NRF1: variants seen among roughly 807,000 people sequenced by gnomAD.
NRF1 encodes the protein nuclear respiratory factor 1, also known as alpha palindromic-binding protein.
NRF1 carries 5 observed loss-of-function variants against 58.5 expected under a neutral mutation model. The observed-to-expected ratio is 0.09, with a 90% CI of 0.04 to 0.18. NRF1 has a LOEUF of 0.18. NRF1 is among the 10% of genes least tolerant of loss of function. NRF1 has a pLI of 1.00. For synonymous variants in NRF1, 224 were observed against 246.7 expected, an observed-to-expected ratio of 0.91 and a Z score of 0.86; for missense variants, 288 against 657.7, an observed-to-expected ratio of 0.44 and a Z score of 6.15.
At chr7:129,673,573 C>T (rs572522599) in intron 3 of NRF1, among the ~76,000 whole-genome samples, 24 of 151,752 alleles carry the variant, frequency 1.6e-4, no homozygotes, top group African/African-American at 5.1e-4. Context: ...AAAAATTAGC[C>T]GGGCGCAGTG....
intron 10 of NRF1, among the ~76,000 whole-genome samples, chr7:129,730,976 CAAA>C (rs60913727): frequency 8.0e-6 from 1 of 125,040 alleles, no homozygotes; most frequent in Non-Finnish European, 1.7e-5. Flanking sequence ...GACCCTGTCT[CAAA>C]AAAAAAAAAA....
intron 1 of NRF1, among the ~76,000 whole-genome samples, chr7:129,613,525 A>T (rs1430886313): frequency 6.6e-6 from 1 of 151,910 alleles, no homozygotes; most frequent in Admixed American, 6.6e-5. Flanking sequence ...TTTTGTGTCA[A>T]GGGGTTTTTT....
intron 10 of NRF1, among the ~76,000 whole-genome samples, chr7:129,744,589 T>C (rs1001966132): frequency 3.1e-4 from 47 of 152,062 alleles, no homozygotes; most frequent in African/African-American, 8.9e-4. Context: ...CCATTAACAA[T>C]TTGGCTATGC....
In NRF1 at chr7:129,667,779, ATTT is replaced by A. The variant is rs1364028924; in HGVS notation, c.224-3649_224-3647del. 7.1e-5 allele frequency among the ~76,000 whole-genome samples: 7 copies of A among 98,602 alleles called. No individual in the cohort carries two copies. In the South Asian group the frequency reaches 1.7e-3, roughly 24 times the overall value. The allele number at this position is 98,602 out of a possible 152,430, so 64.7% of individuals were successfully genotyped here. A position where few individuals can be genotyped will look rare whatever the true frequency, so the allele number is the denominator to read the frequency against. On this transcript the variant is annotated intron_variant, in intron 2 of 10. Coordinates refer to ENST00000393232, the MANE Select transcript of NRF1 (RefSeq NM_005011.5). ...TATTTATTTATTTATTTATTTATTT[ATTT>A]ATTAGAGATAGGATCTTACTCTGTC...
intron 1 of NRF1, among the ~76,000 whole-genome samples, chr7:129,647,722 A>G (rs1425958975): frequency 6.6e-6 from 1 of 152,182 alleles, no homozygotes; most frequent in African/African-American, 2.4e-5. Context: ...AGCATTATAT[A>G]AAAGCATCAT....
chr7:129,738,821 T>C (rs939089588), intron 10 of NRF1, among the ~76,000 whole-genome samples: 1 of 152,190 alleles, frequency 6.6e-6, no homozygotes, highest in African/African-American at 2.4e-5. Context: ...AGCTCTTAAA[T>C]AGTAAGACTG....
At chr7:129,638,334 A>G (rs901245683) in intron 1 of NRF1, among the ~76,000 whole-genome samples, 1 of 152,114 alleles carries the variant, frequency 6.6e-6, no homozygotes, top group South Asian at 2.1e-4. Context: ...TATACTTGAC[A>G]CTTTATTCCA....
rs571543389 is a variant in NRF1, at chr7:129,713,880, C to T, written c.1065+2304C>T. Among the ~76,000 whole-genome samples, 235 of 152,312 alleles carry T rather than the reference C, an allele frequency of 1.5e-3. 1 individual carries two copies. Among genetic ancestry groups the T allele is most frequent in the African/African-American group, 5.0e-3 (208 of 41,570 alleles). ...GAGAGGGATGGGAGTTCTATCCTGTCAAAGAGAGCAACACATTCAGTGCAT... is the reference window on the plus strand; with the variant it reads ...GAGAGGGATGGGAGTTCTATCCTGTTAAAGAGAGCAACACATTCAGTGCAT... On this transcript the variant is annotated intron_variant, in intron 8 of 10. Coordinates refer to ENST00000393232, the MANE Select transcript of NRF1 (RefSeq NM_005011.5).
intron 4 of NRF1, among the ~76,000 whole-genome samples, chr7:129,684,362 A>G (rs1035600714): frequency 2.0e-5 from 3 of 152,252 alleles, no homozygotes; most frequent in Non-Finnish European, 4.4e-5. Flanking sequence ...AGAAAAGGCT[A>G]TGTATTAGTT....
intron 1 of NRF1, among the ~76,000 whole-genome samples, chr7:129,619,429 T>TACACACACAC (rs1384098912): frequency 2.7e-5 from 2 of 75,166 alleles, no homozygotes; most frequent in African/African-American, 1.4e-4. Flanking sequence ...TATATATATA[T>TACACACACAC]ATATACACAC....
At chr7:129,662,762 T>G (rs922856793) in intron 2 of NRF1, among the ~76,000 whole-genome samples, 1 of 152,114 alleles carries the variant, frequency 6.6e-6, no homozygotes, top group Admixed American at 6.6e-5. Context: ...ATTTATTTAT[T>G]TATTTTAGTA....
chr7:129,619,133 A>G (rs1800715790), intron 1 of NRF1, among the ~76,000 whole-genome samples: 1 of 151,960 alleles, frequency 6.6e-6, no homozygotes, highest in Admixed American at 6.6e-5. Context: ...GTCAAGTAGA[A>G]GAATAGAAAC....
At chr7:129,677,610 C>G in intron 3 of NRF1, 22 bp from the exon 4 acceptor site, 1 of 1,611,338 alleles carries the variant, frequency 6.2e-7, no homozygotes, top group South Asian at 1.1e-5. Context: ...ACTTTTTATT[C>G]TTGTTTCCTT....
intron 2 of NRF1, among the ~76,000 whole-genome samples, chr7:129,665,894 G>A (rs1177577195): frequency 2.6e-5 from 4 of 152,180 alleles, no homozygotes; most frequent in East Asian, 3.8e-4. Context: ...GATTACAGGC[G>A]TGAGCCACTG....
chr7:129,660,290 C>T (rs1801750929), intron 2 of NRF1, among the ~76,000 whole-genome samples: 1 of 145,058 alleles, frequency 6.9e-6, no homozygotes, highest in African/African-American at 2.9e-5. Flanking sequence ...TTATTCCACC[C>T]CTGGCCCCTC....
At chr7:129,674,836 G>A (rs920713722) in intron 3 of NRF1, among the ~76,000 whole-genome samples, 3 of 152,210 alleles carry the variant, frequency 2.0e-5, no homozygotes, top group African/African-American at 7.2e-5. Context: ...GTTGATGACT[G>A]CTGACTGATC....
intron 10 of NRF1, among the ~76,000 whole-genome samples, chr7:129,742,733 G>T (rs945995133): frequency 3.3e-5 from 5 of 152,192 alleles, no homozygotes; most frequent in Admixed American, 2.0e-4. Context: ...GAGTGTATGT[G>T]TCTGTCTGTC....
intron 2 of NRF1, among the ~76,000 whole-genome samples, chr7:129,659,731 G>A (rs554941182): frequency 2.6e-5 from 4 of 152,152 alleles, no homozygotes; most frequent in Non-Finnish European, 5.9e-5. Context: ...CCCCTCTCCC[G>A]GAAATTTTAG....
Position 129,745,421 on chromosome 7 carries a change from G to A in NRF1, c.1349-9597G>A, listed in dbSNP as rs373156076. Among the ~76,000 whole-genome samples the A allele has an allele frequency of 1.4e-4, 22 of 152,114 alleles. No homozygotes were observed. The East Asian group carries it at 2.7e-3, about 19-fold the overall frequency. ...CTCCACCTACTGTCAGATCATCAGC[G>A]GCATCAGATTCTCATAGGAGCACGA... is the stretch of plus-strand genomic sequence containing the variant. On this transcript the variant is annotated intron_variant, in intron 10 of 10. Coordinates refer to ENST00000393232, the MANE Select transcript of NRF1 (RefSeq NM_005011.5).
Sources: allele counts gnomAD v4.1 joint callset (sites outside exome capture counted in the v4.1 genomes callset), GRCh38; gene constraint gnomAD v4.1.1; transcripts MANE v1.5; gene names NCBI Gene and HGNC (gene_info 2026-07-23, HGNC 2026-07-21).